The following CSMD1 variants were observed in gnomAD, a reference collection of about 807,000 sequenced individuals.
The protein encoded by CSMD1 is CUB and Sushi multiple domains 1, also known as CUB and sushi domain-containing protein 1.
In CSMD1, 213 loss-of-function variants were observed where a neutral mutation model predicts 417.5. The ratio of observed to expected loss-of-function variants is 0.51; its 90% CI spans 0.46 to 0.57. The LOEUF is 0.57. CSMD1 is among the 20% of genes least tolerant of loss of function. The pLI, the probability that CSMD1 is intolerant of heterozygous loss-of-function variation, is 0.00. For synonymous variants in CSMD1, 2,862 were observed against 1,736.8 expected (o/e 1.65, Z -16.11); for missense variants, 6,923 against 4,529.7 (o/e 1.53, Z -15.17).
chr8:4,041,320 C>T (rs1047824363), intron 3 of CSMD1, among the ~76,000 whole-genome samples: 1 of 152,068 alleles, frequency 6.6e-6, no homozygotes, highest in African/African-American at 2.4e-5. Flanking sequence ...CCTGGCCGGG[C>T]CTTTGCCATT....
intron 6 of CSMD1, among the ~76,000 whole-genome samples, chr8:3,710,239 A>T (rs908621475): frequency 1.3e-5 from 2 of 152,168 alleles, no homozygotes; most frequent in Non-Finnish European, 2.9e-5. Flanking sequence ...GTCTAAAAAT[A>T]AGTGGATCCA....
rs1185065641 is a variant in CSMD1 at position 3,087,087 on chromosome 8, C to T, written c.7474+10G>A. ...GGAAACAAGGCTGGGGATGAAAACG[C>T]ATTTCTTACCCTGGCAGAGTGGCGT... On this transcript the variant is annotated intron_variant, in intron 49 of 69. Coordinates refer to ENST00000635120, the MANE Select transcript of CSMD1 (RefSeq NM_033225.6). The T allele has an allele frequency of 6.2e-7, 1 of 1,610,794 alleles. No homozygotes were observed. Among genetic ancestry groups the T allele is most frequent in the Non-Finnish European group, 8.5e-7 (1 of 1,178,158 alleles).
intron 1 of CSMD1, among the ~76,000 whole-genome samples, chr8:4,647,102 A>G (rs895064169): frequency 3.9e-5 from 6 of 152,228 alleles, no homozygotes; most frequent in African/African-American, 1.4e-4. Context: ...TTTAATATGA[A>G]GAAATTGATC....
At chr8:3,548,681 C>A (rs969939277) in intron 10 of CSMD1, among the ~76,000 whole-genome samples, 2 of 151,506 alleles carry the variant, frequency 1.3e-5, no homozygotes, top group African/African-American at 2.4e-5. Context: ...CACACACACA[C>A]ACACACACAC....
chr8:4,039,118 A>G (rs979728156), intron 3 of CSMD1, among the ~76,000 whole-genome samples: 49 of 152,346 alleles, frequency 3.2e-4, no homozygotes, highest in African/African-American at 1.1e-3. Flanking sequence ...TTTAAAATTC[A>G]TCAAAGCAAC....
At chr8:3,011,639 T>TA (rs1351196523) in intron 52 of CSMD1, among the ~76,000 whole-genome samples, 1 of 152,116 alleles carries the variant, frequency 6.6e-6, no homozygotes, top group South Asian at 2.1e-4. Flanking sequence ...AACAATCTAA[T>TA]AAAAAATGAT....
intron 5 of CSMD1, among the ~76,000 whole-genome samples, chr8:3,948,873 A>C (rs1811418000): frequency 6.6e-6 from 1 of 152,132 alleles, no homozygotes; most frequent in African/African-American, 2.4e-5. Flanking sequence ...CATTATTCAG[A>C]AACTAACAAA....
chr8:4,152,591 T>G (rs1796625573), intron 3 of CSMD1, among the ~76,000 whole-genome samples: 1 of 151,592 alleles, frequency 6.6e-6, no homozygotes, highest in South Asian at 2.1e-4. Context: ...TTGGGAGGCT[T>G]AAGTGGGAAG....
At chr8:4,150,154 G>A (rs1304234816) in intron 3 of CSMD1, among the ~76,000 whole-genome samples, 2 of 152,134 alleles carry the variant, frequency 1.3e-5, no homozygotes, top group Admixed American at 6.5e-5. Flanking sequence ...GATATCTTGA[G>A]GATAGACAAA....
intron 5 of CSMD1, among the ~76,000 whole-genome samples, chr8:3,803,272 C>T (rs1025918390): frequency 2.2e-4 from 33 of 152,266 alleles, no homozygotes; most frequent in Middle Eastern, 6.8e-3. Context: ...CACGGGTTCT[C>T]ATTGCATAAA....
At chr8:3,372,407 C>A (rs932610281) in intron 18 of CSMD1, among the ~76,000 whole-genome samples, 1 of 152,084 alleles carries the variant, frequency 6.6e-6, no homozygotes, top group Non-Finnish European at 1.5e-5. Flanking sequence ...GATCTCATGA[C>A]CTACCTGGGG....
At chr8:4,274,656 T>C (rs1253771008) in intron 3 of CSMD1, among the ~76,000 whole-genome samples, 3 of 152,120 alleles carry the variant, frequency 2.0e-5, no homozygotes, top group Non-Finnish European at 2.9e-5. Flanking sequence ...CTCCATTAAA[T>C]TTACTTAAAA....
At position 3,764,561 on chromosome 8, in the gene CSMD1, G is replaced by C. The variant is rs550618823; in HGVS notation, c.819-10519C>G. ...AGGTGGGGAGTACAGGTTGCTGTGA[G>C]TGTCTGCAAGAGAGGATTTAAACTT... On this transcript the variant is annotated intron_variant, in intron 5 of 69. Transcript: ENST00000635120. Among the ~76,000 whole-genome samples, 8 of 152,138 alleles carry C rather than the reference G, an allele frequency of 5.3e-5. No individual in the cohort carries two copies. In the South Asian group the frequency reaches 8.3e-4, roughly 16 times the overall value.
intron 3 of CSMD1, among the ~76,000 whole-genome samples, chr8:4,059,077 A>C (rs1798840123): frequency 6.6e-6 from 1 of 152,186 alleles, no homozygotes. Flanking sequence ...AAGAACAGAA[A>C]TTATAACAAA....
intron 5 of CSMD1, among the ~76,000 whole-genome samples, chr8:3,942,943 A>T (rs1240414441): frequency 6.6e-6 from 1 of 152,142 alleles, no homozygotes; most frequent in Non-Finnish European, 1.5e-5. Context: ...CTGGCACGAC[A>T]ACACAGTGAC....
chr8:3,505,824 T>C (rs866745877), intron 10 of CSMD1, among the ~76,000 whole-genome samples: 1 of 152,162 alleles, frequency 6.6e-6, no homozygotes, highest in South Asian at 2.1e-4. Flanking sequence ...TCAGGTATCG[T>C]ATCAACACAC....
intron 31 of CSMD1, among the ~76,000 whole-genome samples, chr8:3,203,886 A>T (rs552667039): frequency 6.6e-6 from 1 of 152,142 alleles, no homozygotes; most frequent in South Asian, 2.1e-4. Flanking sequence ...GCCTCTTCCT[A>T]CCTGGTAAGG....
intron 36 of CSMD1, 22 bp downstream of exon 36, chr8:3,187,847 G>T: frequency 6.3e-7 from 1 of 1,578,242 alleles, no homozygotes; most frequent in Non-Finnish European, 8.7e-7. Flanking sequence ...TCACACAGGT[G>T]AGGAAATTGA....
chr8:3,899,458 T>C (rs1403728916), intron 5 of CSMD1, among the ~76,000 whole-genome samples: 5 of 152,126 alleles, frequency 3.3e-5, no homozygotes, highest in Non-Finnish European at 5.9e-5. Context: ...TGGGGTGGTA[T>C]TGATCCAACC....
Sources: allele counts gnomAD v4.1 joint callset (sites outside exome capture counted in the v4.1 genomes callset), GRCh38; gene constraint gnomAD v4.1.1; transcripts MANE v1.5; gene names NCBI Gene and HGNC (gene_info 2026-07-23, HGNC 2026-07-21).